The following TGFBR3 variants were observed in gnomAD, a reference collection of about 807,000 sequenced individuals.
The protein encoded by TGFBR3 is transforming growth factor beta receptor 3.
TGFBR3 carries 46 observed loss-of-function variants against 87.9 expected under a neutral mutation model. The observed-to-expected ratio is 0.52, with a 90% confidence interval of 0.41 to 0.67. TGFBR3 has a LOEUF of 0.67. Ranked by LOEUF, TGFBR3 falls within the 30% of genes least tolerant of loss-of-function variation. The pLI is 0.00. For synonymous variants in TGFBR3, 381 were observed against 391.6 expected (o/e 0.97, Z 0.32); for missense variants, 866 against 1,041.9 (o/e 0.83, Z 2.32).
At chr1:91,828,576 C>T (rs1236359489) in intron 2 of TGFBR3, among the ~76,000 whole-genome samples, 1 of 152,168 alleles carries the variant, frequency 6.6e-6, no homozygotes, top group Non-Finnish European at 1.5e-5. Context: ...ACAGGGGCAG[C>T]CACCCCCGAA....
At chr1:91,724,808 A>G (rs1045080589) in intron 7 of TGFBR3, among the ~76,000 whole-genome samples, 62 of 152,204 alleles carry the variant, frequency 4.1e-4, no homozygotes, top group African/African-American at 1.4e-3. Flanking sequence ...TCTTCATGAA[A>G]GATAAGGAGT....
intron 2 of TGFBR3, among the ~76,000 whole-genome samples, chr1:91,845,066 C>T (rs887663418): frequency 6.6e-6 from 1 of 152,198 alleles, no homozygotes; most frequent in Non-Finnish European, 1.5e-5. Context: ...TCAACCAGTG[C>T]ATACTCTCCT....
intron 2 of TGFBR3, among the ~76,000 whole-genome samples, chr1:91,894,587 G>T (rs1000158791): frequency 6.6e-6 from 1 of 152,204 alleles, no homozygotes; most frequent in Non-Finnish European, 1.5e-5. Context: ...CTTAGTTTAC[G>T]CAAGAGATTA....
chr1:91,762,011 C>A (rs948973435), intron 3 of TGFBR3, among the ~76,000 whole-genome samples: 2 of 152,170 alleles, frequency 1.3e-5, no homozygotes, highest in African/African-American at 4.8e-5. Context: ...AGTTGACCAT[C>A]AATCCTATGT....
intron 3 of TGFBR3, among the ~76,000 whole-genome samples, chr1:91,774,480 G>A (rs899327693): frequency 6.6e-5 from 10 of 152,118 alleles, no homozygotes; most frequent in African/African-American, 2.4e-4. Context: ...GATACTGAAA[G>A]ATGAGCAGGT....
intron 14 of TGFBR3, among the ~76,000 whole-genome samples, chr1:91,700,112 C>T (rs1671571882): frequency 6.6e-6 from 1 of 152,106 alleles, no homozygotes; most frequent in Admixed American, 6.5e-5. Flanking sequence ...GTAACAGCAG[C>T]GTTGAGTTGT....
At chr1:91,860,975 A>T (rs1219753240) in intron 2 of TGFBR3, among the ~76,000 whole-genome samples, 1 of 149,212 alleles carries the variant, frequency 6.7e-6, no homozygotes, top group Non-Finnish European at 1.5e-5. Context: ...TTACATATTG[A>T]AATATGTGAA....
chr1:91,813,172 C>T (rs953866747), intron 2 of TGFBR3, among the ~76,000 whole-genome samples: 2 of 152,134 alleles, frequency 1.3e-5, no homozygotes, highest in Non-Finnish European at 2.9e-5. Context: ...CACAAACCTG[C>T]TGTAAAACTG....
At chr1:91,715,985 C>T (rs1156456938) in intron 12 of TGFBR3, among the ~76,000 whole-genome samples, 4 of 147,744 alleles carry the variant, frequency 2.7e-5, no homozygotes, top group African/African-American at 1.0e-4. Flanking sequence ...TTCACACTTG[C>T]CAATTTTTTT....
At chr1:91,868,694 C>T (rs866279506) in intron 1 of TGFBR3, among the ~76,000 whole-genome samples, 4 of 152,132 alleles carry the variant, frequency 2.6e-5, no homozygotes, top group Non-Finnish European at 5.9e-5. Context: ...TGTAATTATT[C>T]GAGCAAAATT....
At position 91,682,500 on chromosome 1, in the gene TGFBR3, A is replaced by G. The variant is rs936029681; in HGVS notation, c.*1239T>C. 4.4e-6 allele frequency: 2 copies of G among 451,292 alleles called. No individual in the cohort carries two copies. The highest frequency in any genetic ancestry group is 4.1e-5 in the African/African-American group (2 of 48,966). The allele number at this position is 451,292 out of a possible 1,614,324, so 28.0% of individuals were successfully genotyped here. On this transcript the variant is annotated 3_prime_UTR_variant, in exon 17 of 17. Coordinates refer to ENST00000212355, the MANE Select transcript of TGFBR3 (RefSeq NM_003243.5). ...TATTCCATTTAATGAAATTCACCTC[A>G]AGCCCTTTTTGACATATTAAATATA...
At chr1:91,727,515 C>T (rs1571447146) in intron 7 of TGFBR3, 144 bp downstream of exon 7, 8 of 1,009,484 alleles carry the variant, frequency 7.9e-6, no homozygotes, top group Non-Finnish European at 1.2e-5. Context: ...TTTATAGGAG[C>T]ATGCTATTTT....
chr1:91,700,852 G>A (rs922094297), intron 14 of TGFBR3, among the ~76,000 whole-genome samples: 2 of 152,146 alleles, frequency 1.3e-5, no homozygotes, highest in African/African-American at 2.4e-5. Flanking sequence ...AGAACTCTAT[G>A]AAGGAAGAGT....
chr1:91,699,010 G>A (rs1358921511), intron 14 of TGFBR3, among the ~76,000 whole-genome samples: 3 of 150,194 alleles, frequency 2.0e-5, no homozygotes, highest in African/African-American at 7.4e-5. Context: ...AGAGCCCAGA[G>A]CTGATCATGT....
At chr1:91,768,864 T>A (rs284188) in intron 3 of TGFBR3, among the ~76,000 whole-genome samples, 44,957 of 151,988 alleles carry the variant, frequency 0.3, 6,897 homozygotes, top group South Asian at 0.41. Context: ...AATACATGAA[T>A]CAACACACAC....
At chr1:91,840,628 A>T (rs1483781297) in intron 2 of TGFBR3, among the ~76,000 whole-genome samples, 4 of 152,174 alleles carry the variant, frequency 2.6e-5, no homozygotes, top group Non-Finnish European at 5.9e-5. Context: ...ATAATATTTT[A>T]AAAATCACAT....
chr1:91,699,431 CTTTTTTTTTTT>C (rs60223260), intron 14 of TGFBR3, among the ~76,000 whole-genome samples: 2 of 80,846 alleles, frequency 2.5e-5, no homozygotes, highest in Non-Finnish European at 4.3e-5. Flanking sequence ...CTTTCTTTTG[CTTTTTTTTTTT>C]TTTTTTTTTT....
Position 91,683,547 on chromosome 1 carries a change from T to C in TGFBR3, c.*192A>G. 1 of 700,048 alleles carries C rather than the reference T, an allele frequency of 1.4e-6. No individual in the cohort carries two copies. Among genetic ancestry groups the C allele is most frequent in the Non-Finnish European group, 2.6e-6 (1 of 385,576 alleles). 43.4% of individuals were successfully genotyped at this position (700,048 alleles called of 1,614,324 possible). On this transcript the variant is annotated 3_prime_UTR_variant, in exon 17 of 17. Transcript: ENST00000212355. ...AGTGTGGTACAGAAGCCCAGGGTCA[T>C]GTTTATACTAGCCCTGGGTGTGGGG... is the stretch of plus-strand genomic sequence containing the variant.
intron 4 of TGFBR3, among the ~76,000 whole-genome samples, chr1:91,752,367 GC>G (rs1271330483): frequency 3.3e-5 from 5 of 152,030 alleles, no homozygotes; most frequent in African/African-American, 1.2e-4. Context: ...CCCCTTCTAT[GC>G]CCCATCCCCC....
Sources: gnomAD v4.1 joint callset for allele counts (sites outside exome capture counted in the v4.1 genomes callset) on GRCh38, gnomAD v4.1.1 for gene constraint, MANE v1.5 for transcripts, NCBI Gene and HGNC (gene_info 2026-07-23, HGNC 2026-07-21) for gene names.